Variants in TYR observed in about 807,000 individuals in gnomAD.
The protein encoded by TYR is LB24-AB.
A neutral mutation model predicts 51.5 loss-of-function variants in TYR; 58 were observed. The observed-to-expected ratio is 1.13, with a 90% CI of 0.91 to 1.40. The LOEUF is 1.40. TYR is among the 40% of genes most tolerant of loss of function. The pLI, the probability that TYR is intolerant of heterozygous loss-of-function variation, is 0.00. For synonymous variants in TYR, 263 were observed against 235.2 expected (o/e 1.12, Z -1.08); for missense variants, 732 against 647.4 (o/e 1.13, Z -1.42).
At chr11:89,263,819 T>C (rs1944491615) in intron 3 of TYR, among the ~76,000 whole-genome samples, 1 of 152,138 alleles carries the variant, frequency 6.6e-6, no homozygotes, top group African/African-American at 2.4e-5. Context: ...TATAAAACAC[T>C]ATTGAAAGAA....
intron 3 of TYR, among the ~76,000 whole-genome samples, chr11:89,280,843 A>C (rs1944713178): frequency 2.0e-5 from 3 of 151,514 alleles, no homozygotes. Flanking sequence ...ACAATGTTTA[A>C]ATGTTTGTCC....
intron 1 of TYR, among the ~76,000 whole-genome samples, chr11:89,179,154 T>C (rs895409631): frequency 6.6e-6 from 1 of 152,184 alleles, no homozygotes; most frequent in African/African-American, 2.4e-5. Flanking sequence ...TACACTAATG[T>C]CTCTGAAAAA....
At chr11:89,216,061 T>A (rs1943828636) in intron 2 of TYR, among the ~76,000 whole-genome samples, 1 of 152,236 alleles carries the variant, frequency 6.6e-6, no homozygotes, top group African/African-American at 2.4e-5. Flanking sequence ...TTTTTCTTTT[T>A]CATCCTGCAG....
At chr11:89,201,790 G>GGTCT (rs548153003) in intron 2 of TYR, among the ~76,000 whole-genome samples, 138 of 152,206 alleles carry the variant, frequency 9.1e-4, no homozygotes, top group African/African-American at 3.1e-3. Flanking sequence ...GACTTCAAGG[G>GGTCT]GTCTGTTGGC....
At chr11:89,230,009 C>A (rs970851835) in intron 3 of TYR, among the ~76,000 whole-genome samples, 1 of 151,918 alleles carries the variant, frequency 6.6e-6, no homozygotes, top group South Asian at 2.1e-4. Context: ...ATCAAAATAC[C>A]AAGACATTCT....
intron 2 of TYR, among the ~76,000 whole-genome samples, chr11:89,218,833 G>A (rs960553274): frequency 6.6e-6 from 1 of 152,148 alleles, no homozygotes; most frequent in African/African-American, 2.4e-5. Flanking sequence ...TGGATCATTA[G>A]CAAGGGAGAT....
At chr11:89,274,754 C>T (rs7101897) in intron 3 of TYR, among the ~76,000 whole-genome samples, 41,229 of 151,634 alleles carry the variant, frequency 0.27, 5,796 homozygotes, top group Non-Finnish European at 0.31. Flanking sequence ...CTTGTATAAG[C>T]CTTTGTGCTT....
chr11:89,181,149 G>T, intron 1 of TYR, among the ~76,000 whole-genome samples: 1 of 151,976 alleles, frequency 6.6e-6, no homozygotes, highest in Non-Finnish European at 1.5e-5. Context: ...CTAGTAGCTG[G>T]GACTACAGGG....
In TYR at chr11:89,178,759, T is replaced by G; in HGVS notation, c.806T>G (p.Phe269Cys). The G allele has an allele frequency of 6.2e-7, 1 of 1,614,040 alleles. No homozygotes were observed. Among genetic ancestry groups the G allele is most frequent in the Non-Finnish European group, 8.5e-7 (1 of 1,180,018 alleles). Reference protein sequence around the residue: ...NPNLLSPASFFSSWQIVCSRL... With the variant: ...NPNLLSPASFCSSWQIVCSRL... ...AACTTACTCAGCCCAGCATCATTCT[T>G]CTCCTCTTGGCAGGTAAGATATGCT... Residue 269 changes from phenylalanine to cysteine, a missense_variant, in exon 1 of 5, where the codon TTC (phenylalanine) becomes TGC (cysteine). Coordinates refer to ENST00000263321, the MANE Select transcript of TYR (RefSeq NM_000372.5).
intron 2 of TYR, among the ~76,000 whole-genome samples, chr11:89,212,567 ATCC>A (rs1056248236): frequency 2.7e-5 from 4 of 145,574 alleles, no homozygotes; most frequent in Non-Finnish European, 6.0e-5. Context: ...AAAACAGGGA[ATCC>A]TTCTTAATTC....
chr11:89,206,472 C>G (rs1943673985), intron 2 of TYR, among the ~76,000 whole-genome samples: 1 of 152,092 alleles, frequency 6.6e-6, no homozygotes, highest in African/African-American at 2.4e-5. Context: ...ATGCACCAAA[C>G]AAGCTTAAAA....
intron 3 of TYR, among the ~76,000 whole-genome samples, chr11:89,260,419 G>A (rs1028395784): frequency 1.3e-5 from 2 of 152,072 alleles, no homozygotes; most frequent in Non-Finnish European, 2.9e-5. Context: ...TCAAAGTGCT[G>A]AAAGAAAATA....
Position 89,294,699 on chromosome 11 carries a change from A to G in TYR, c.1367-444A>G, listed in dbSNP as rs745365946. On this transcript the variant is annotated intron_variant, in intron 4 of 4. Coordinates refer to ENST00000263321, the MANE Select transcript of TYR (RefSeq NM_000372.5). ...AATGCCCTAGGGTTCTTGGGAGGCT[A>G]CTAAGATTGCTGAGCATTTGCCAAC... Among the ~76,000 whole-genome samples the G allele has an allele frequency of 6.6e-5, 10 of 152,350 alleles. No homozygotes were observed. The South Asian group carries it at 1.4e-3, about 22-fold the overall frequency.
intron 3 of TYR, among the ~76,000 whole-genome samples, chr11:89,229,742 T>C (rs1944022134): frequency 6.6e-6 from 1 of 152,014 alleles, no homozygotes; most frequent in African/African-American, 2.4e-5. Flanking sequence ...AGTGTTTCTG[T>C]ACACTAACAA....
intron 2 of TYR, among the ~76,000 whole-genome samples, chr11:89,206,558 T>C (rs1161229195): frequency 6.6e-6 from 1 of 152,156 alleles, no homozygotes; most frequent in Non-Finnish European, 1.5e-5. Flanking sequence ...AATTCAATAC[T>C]GCTGTTTAAC....
At chr11:89,236,906 T>G (rs540581268) in intron 3 of TYR, among the ~76,000 whole-genome samples, 225 of 152,280 alleles carry the variant, frequency 1.5e-3, no homozygotes, top group Non-Finnish European at 2.1e-3. Flanking sequence ...TCTATAACTA[T>G]CACTCCAAAA....
intron 2 of TYR, among the ~76,000 whole-genome samples, chr11:89,213,791 A>G (rs1943794638): frequency 6.6e-6 from 1 of 152,194 alleles, no homozygotes. Flanking sequence ...AACACCACAC[A>G]TCTACAAACA....
intron 1 of TYR, among the ~76,000 whole-genome samples, chr11:89,190,148 A>G (rs1357246156): frequency 6.6e-6 from 1 of 152,144 alleles, no homozygotes; most frequent in Non-Finnish European, 1.5e-5. Flanking sequence ...TACTATCTAT[A>G]TTTTATCATT....
At chr11:89,291,390 A>T (rs1204738698) in intron 4 of TYR, among the ~76,000 whole-genome samples, 1 of 152,022 alleles carries the variant, frequency 6.6e-6, no homozygotes, top group Non-Finnish European at 1.5e-5. Flanking sequence ...TTATCTGATT[A>T]TGGATTTCCT....
Sources: allele counts gnomAD v4.1 joint callset (sites outside exome capture counted in the v4.1 genomes callset), GRCh38; gene constraint gnomAD v4.1.1; transcripts MANE v1.5; gene names NCBI Gene and HGNC (gene_info 2026-07-23, HGNC 2026-07-21).